MYO16: variants seen among roughly 807,000 people sequenced by gnomAD.
The protein encoded by MYO16 is myosin XVI.
Under a neutral mutation model 205.3 loss-of-function variants are expected in MYO16, and 94 were observed. The observed-to-expected ratio is 0.46, with a 90% CI of 0.39 to 0.54. The LOEUF is 0.54. Among genes scored for constraint, MYO16 ranks in the 20% least tolerant of loss-of-function variants. MYO16 has a pLI of 0.00. For synonymous variants in MYO16, 988 were observed against 954.0 expected (o/e 1.04, Z -0.66); for missense variants, 2,315 against 2,387.5 (o/e 0.97, Z 0.63).
chr13:108,610,643 C>T (rs950730011), intron 1 of MYO16, among the ~76,000 whole-genome samples: 4 of 152,292 alleles, frequency 2.6e-5, no homozygotes, highest in South Asian at 2.1e-4. Flanking sequence ...CACATTCACG[C>T]TGCCATTTAT....
At chr13:109,046,855 G>A (rs1406002191) in intron 23 of MYO16, 61 bp from the exon 24 acceptor site, 2 of 1,378,820 alleles carry the variant, frequency 1.5e-6, no homozygotes, top group Admixed American at 1.8e-5. Flanking sequence ...ATCCTTTAAA[G>A]GAATTTATTT....
intron 4 of MYO16, among the ~76,000 whole-genome samples, chr13:108,740,290 T>C (rs1884861386): frequency 6.6e-6 from 1 of 152,188 alleles, no homozygotes; most frequent in African/African-American, 2.4e-5. Context: ...TCTTTGATGA[T>C]GGTGACGTAC....
In MYO16 at chr13:108,957,723, C is replaced by T; in HGVS notation, c.1961C>T (p.Thr654Ile). The T allele has an allele frequency of 6.2e-7, 1 of 1,613,442 alleles. No homozygotes were observed. Among genetic ancestry groups the T allele is most frequent in the Non-Finnish European group, 8.5e-7 (1 of 1,179,446 alleles). The change falls in exon 17 of 35, where the codon ACA becomes ATA. Residue 654 changes from threonine to isoleucine, a missense_variant. Around this residue, in one of 3 missense-constraint regions of MYO16, gnomAD observed 1,213 missense variants for 1,274.4 expected, o/e 0.95. Coordinates refer to ENST00000457511, the MANE Select transcript of MYO16 (RefSeq NM_001198950.3). ...CAGACCATACAGGATGATGCATCCACAGGGGAGCGTTCTCTGAACAGGGAG... is the reference window on the plus strand; with the variant it reads ...CAGACCATACAGGATGATGCATCCATAGGGGAGCGTTCTCTGAACAGGGAG... ...LNQTIQDDAS[T>I]GERSLNREKL...
At position 108,964,914 on chromosome 13, in the gene MYO16, T is replaced by C. The variant is rs2139374326; in HGVS notation, c.2369+12T>C. Reference sequence around the variant, plus strand: ...GATGAACAGAAAAGGTAGGAGTTGATGGATGTTCGGTTCTGTTGTCATTAC... The same window carrying C: ...GATGAACAGAAAAGGTAGGAGTTGACGGATGTTCGGTTCTGTTGTCATTAC... On this transcript the variant is annotated intron_variant, in intron 20 of 34. Transcript: ENST00000457511. 2 of 1,613,770 alleles carry C rather than the reference T, an allele frequency of 1.2e-6. No individual in the cohort carries two copies. Among genetic ancestry groups the C allele is most frequent in the Non-Finnish European group, 1.7e-6 (2 of 1,179,848 alleles).
intron 17 of MYO16, among the ~76,000 whole-genome samples, chr13:108,958,019 A>G (rs1883442033): frequency 6.6e-6 from 1 of 151,936 alleles, no homozygotes. Context: ...GAAGAAAGGA[A>G]CTAGGAAGAA....
chr13:108,730,818 G>A (rs1319773245), intron 4 of MYO16, among the ~76,000 whole-genome samples: 1 of 152,122 alleles, frequency 6.6e-6, no homozygotes, highest in East Asian at 1.9e-4. Context: ...CAGACTCAGC[G>A]CTAAGTTCAT....
chr13:108,923,626 C>T lies in MYO16; in HGVS notation c.1925+13476C>T, dbSNP rs114860449. 8.4e-3 allele frequency among the ~76,000 whole-genome samples: 1,273 copies of T among 152,360 alleles called. 15 individuals carry two copies. Among genetic ancestry groups the T allele is most frequent in the African/African-American group, 0.029 (1,218 of 41,594 alleles). On this transcript the variant is annotated intron_variant, in intron 16 of 34. Coordinates refer to ENST00000457511, the MANE Select transcript of MYO16 (RefSeq NM_001198950.3). ...TGTGGGGCCCTCGCCTTCCTGCTTT[C>T]ACTGCCCCAATGCGGCCGGGGTGTT...
chr13:109,199,864 G>C (rs762712710), intron 34 of MYO16, among the ~76,000 whole-genome samples: 25 of 152,152 alleles, frequency 1.6e-4, no homozygotes, highest in Non-Finnish European at 3.2e-4. Flanking sequence ...AGTACATAAA[G>C]TTTAAAGAAT....
chr13:108,568,971 AC>A, the MYO16 span, among the ~76,000 whole-genome samples: 40 of 151,882 alleles, frequency 2.6e-4, no homozygotes, highest in Non-Finnish European at 3.8e-4. Context: ...AGTTTAATTG[AC>A]CATAAATGTG....
At chr13:109,066,996 A>G (rs1467760) in intron 27 of MYO16, among the ~76,000 whole-genome samples, 75,944 of 152,040 alleles carry the variant, frequency 0.5, 19,005 homozygotes, top group Middle Eastern at 0.55. Flanking sequence ...TCATTCGTTC[A>G]TCATTCATTT....
At chr13:108,614,780 CT>C (rs1171799210) in intron 1 of MYO16, among the ~76,000 whole-genome samples, 3 of 151,946 alleles carry the variant, frequency 2.0e-5, no homozygotes, top group Admixed American at 1.3e-4. Context: ...AAAGAATGAA[CT>C]TGGACCCATA....
In MYO16 at chr13:109,127,352, C is replaced by G. The variant is rs1315652570; in HGVS notation, c.3853C>G (p.Leu1285Val). The G allele has an allele frequency of 6.2e-7, 1 of 1,613,608 alleles. No homozygotes were observed. ...GTCAGTCTGCGCGGCCGTGGATGGC[C>G]TGGGCCAGTGCCTCGTTGGCCCGTC... ...SMSVCAAVDG[L>V]GQCLVGPSIW... Residue 1285 changes from leucine (L) to valine (V), a missense_variant, in exon 31 of 35, where the codon CTG becomes GTG. Transcript: ENST00000457511. The surrounding 1 kb of genome is among the most constrained non-coding windows in gnomAD (Gnocchi z 4.2).
chr13:108,809,619 A>G (rs1367532258), intron 7 of MYO16, among the ~76,000 whole-genome samples: 2 of 152,118 alleles, frequency 1.3e-5, no homozygotes, highest in Admixed American at 1.3e-4. Context: ...TTGAGAACTC[A>G]CTCATTATCG....
chr13:108,717,504 CCTGTAATCCCAGCTA>C (rs1479460533), intron 3 of MYO16, among the ~76,000 whole-genome samples: 1 of 151,718 alleles, frequency 6.6e-6, no homozygotes, highest in Non-Finnish European at 1.5e-5. Flanking sequence ...GTGGTGGGCG[CCTGTAATCCCAGCTA>C]CTTGGGAGGC....
At chr13:108,920,462 T>C (rs149583029) in intron 16 of MYO16, among the ~76,000 whole-genome samples, 15 of 152,070 alleles carry the variant, frequency 9.9e-5, no homozygotes, top group Middle Eastern at 3.4e-3. Flanking sequence ...TGTCTCTCTT[T>C]CTTTTTAAAA....
chr13:109,174,229 AT>A (rs1267360203), intron 33 of MYO16, among the ~76,000 whole-genome samples: 2 of 152,204 alleles, frequency 1.3e-5, no homozygotes. Flanking sequence ...GGTTAATTCT[AT>A]AAGCGGATTT....
At chr13:109,148,371 A>G (rs978151443) in intron 32 of MYO16, among the ~76,000 whole-genome samples, 7 of 152,352 alleles carry the variant, frequency 4.6e-5, no homozygotes, top group African/African-American at 1.4e-4. Flanking sequence ...CAGGAGGCCT[A>G]TAAACCAGAC....
intron 22 of MYO16, among the ~76,000 whole-genome samples, chr13:109,016,741 G>A (rs891921059): frequency 1.3e-5 from 2 of 151,690 alleles, no homozygotes; most frequent in Admixed American, 6.6e-5. Context: ...TTTCATCTTT[G>A]TTGGTTTAAA....
the MYO16 span, among the ~76,000 whole-genome samples, chr13:108,581,384 T>C: frequency 6.6e-6 from 1 of 152,198 alleles, no homozygotes; most frequent in Non-Finnish European, 1.5e-5. Flanking sequence ...GCAAGCTACA[T>C]TGAACATCCA....
Sources: allele counts gnomAD v4.1 joint callset (sites outside exome capture counted in the v4.1 genomes callset), GRCh38; gene constraint gnomAD v4.1.1; regional missense constraint gnomAD v4.1.1; non-coding constraint Gnocchi (gnomAD v3.1); transcripts MANE v1.5; gene names NCBI Gene and HGNC (gene_info 2026-07-23, HGNC 2026-07-21).